Variants in CCND3 observed in about 807,000 individuals in gnomAD.
CCND3 encodes cyclin D3.
A neutral mutation model predicts 28.7 loss-of-function variants in CCND3; 9 were observed. That is an observed-to-expected ratio of 0.31 (90% CI 0.19 to 0.55). CCND3 has a LOEUF of 0.55. Among genes scored for constraint, CCND3 ranks in the 20% least tolerant of loss-of-function variants. CCND3 has a pLI of 0.93. For synonymous variants in CCND3, 164 were observed against 163.9 expected (o/e 1.00, Z 0.00); for missense variants, 315 against 385.8 (o/e 0.82, Z 1.54).
intron 1 of CCND3, among the ~76,000 whole-genome samples, chr6:41,979,996 T>C (rs1008486895): frequency 6.8e-4 from 11 of 16,162 alleles, no homozygotes; most frequent in African/African-American, 1.2e-3. Context: ...AATGAACATA[T>C]GCTGCTTTCA....
chr6:42,030,923 G>A (rs914154584), intron 1 of CCND3, among the ~76,000 whole-genome samples: 3 of 152,180 alleles, frequency 2.0e-5, no homozygotes, highest in Admixed American at 2.0e-4. Context: ...GTGCGTGGAT[G>A]GGGGTGGGGT....
rs765427640 is a variant in CCND3 at position 41,936,967 on chromosome 6, TGG to T, written c.574+266_574+267del. On this transcript the variant is annotated intron_variant, in intron 3 of 4. Transcript: ENST00000372991. The surrounding 1 kb of genome is among the most constrained non-coding windows in gnomAD (Gnocchi z 4.4). ...GGGAACACAACTAGGGCCAAGAGAC[TGG>T]GGTTCTGTTCCCAACCTGTTCACTG... 147 of 593,940 alleles carry T rather than the reference TGG, an allele frequency of 2.5e-4. No individual in the cohort carries two copies. The highest frequency in any genetic ancestry group is 3.6e-4 in the Non-Finnish European group (120 of 335,994). 36.8% of individuals were successfully genotyped at this position (593,940 alleles called of 1,614,324 possible).
chr6:42,031,627 A>G (rs1180952381), intron 1 of CCND3, among the ~76,000 whole-genome samples: 1 of 152,182 alleles, frequency 6.6e-6, no homozygotes, highest in African/African-American at 2.4e-5. Flanking sequence ...TAGAAAAACA[A>G]AACCCTTTTA....
intron 1 of CCND3, among the ~76,000 whole-genome samples, chr6:41,966,707 C>A (rs764630518): frequency 1.3e-5 from 2 of 152,186 alleles, no homozygotes; most frequent in Admixed American, 6.5e-5. Context: ...CAGCTCCCTT[C>A]TAGACTGGAT....
At position 41,941,535 on chromosome 6, in the gene CCND3, C is replaced by T. The variant is rs1006519914; in HGVS notation, c.115G>A (p.Val39Ile). Reference protein sequence around the residue: ...QSLLRLEERYVPRASYFQCVQ... With the variant: ...QSLLRLEERYIPRASYFQCVQ... ...CACTGGAAGTAGGAGGCGCGGGGTA[C>T]GTAGCGCTCCTCCAGGCGGAGCAGG... Residue 39 changes from valine to isoleucine, a missense_variant, in exon 1 of 5, where the codon GTA becomes ATA. Val to Ile is a conservative substitution (Grantham distance 29). Transcript: ENST00000372991. This position sits in a 1 kb window ranked among gnomAD's most constrained non-coding sequence, Gnocchi z 6.1. The T allele has an allele frequency of 3.7e-6, 6 of 1,602,372 alleles. No individual in the cohort carries two copies. The highest frequency in any genetic ancestry group is 3.4e-6 in the Non-Finnish European group (4 of 1,176,630).
upstream of CCND3, chr6:42,049,891 T>C (rs767067393): frequency 1.3e-5 from 2 of 152,230 alleles, no homozygotes; most frequent in African/African-American, 4.8e-5. Context: ...GTCACTGGGA[T>C]TGGGCTGGGC....
At chr6:42,009,595 A>G (rs1243423030) in intron 1 of CCND3, among the ~76,000 whole-genome samples, 3 of 151,312 alleles carry the variant, frequency 2.0e-5, no homozygotes, top group African/African-American at 7.3e-5. Context: ...CTGGGCAACA[A>G]GACCGAAACT....
At chr6:42,000,196 T>C (rs35829548) in intron 1 of CCND3, among the ~76,000 whole-genome samples, 15,794 of 146,126 alleles carry the variant, frequency 0.11, 916 homozygotes, top group Non-Finnish European at 0.12. Flanking sequence ...TCCAAGAAAG[T>C]TAGAAATCAT....
upstream of CCND3, among the ~76,000 whole-genome samples, chr6:41,944,922 G>A (rs759108647): frequency 2.6e-5 from 4 of 152,150 alleles, no homozygotes; most frequent in Non-Finnish European, 4.4e-5. Context: ...CTGGCCACTG[G>A]GGAGGCAGGT....
At chr6:41,964,219 T>C (rs988544355) in intron 1 of CCND3, among the ~76,000 whole-genome samples, 3 of 152,136 alleles carry the variant, frequency 2.0e-5, no homozygotes, top group Admixed American at 6.6e-5. Flanking sequence ...GGGTTAAGGG[T>C]TTCCCAGTCT....
rs545523358 is a variant in CCND3 at position 41,935,922 on chromosome 6, C to T, written c.*18G>A. 1 of 1,599,342 alleles carries T rather than the reference C, an allele frequency of 6.3e-7. No homozygotes were observed. Among genetic ancestry groups the T allele is most frequent in the African/African-American group, 1.3e-5 (1 of 74,888 alleles). ...CCCCTCCTCTGCTTAGTGGCCACTC[C>T]AGAGGGCCTCTCCAGGGCTACAGGT... is the stretch of plus-strand genomic sequence containing the variant. On this transcript the variant is annotated 3_prime_UTR_variant, in exon 5 of 5. Coordinates refer to ENST00000372991, the MANE Select transcript of CCND3 (RefSeq NM_001760.5).
At chr6:42,029,895 TC>T (rs1169805063) in intron 1 of CCND3, 1 of 149,092 alleles carries the variant, frequency 6.7e-6, no homozygotes, top group Non-Finnish European at 1.5e-5. Flanking sequence ...GGGGGTGCCC[TC>T]CCTGCAGACA....
At chr6:41,996,656 G>A (rs1461269456) in intron 1 of CCND3, among the ~76,000 whole-genome samples, 2 of 126,072 alleles carry the variant, frequency 1.6e-5, no homozygotes, top group Non-Finnish European at 3.2e-5. Flanking sequence ...CTTGAAGGTA[G>A]GGAAAAATCT....
intron 1 of CCND3, among the ~76,000 whole-genome samples, chr6:41,985,302 GTCTT>G (rs1762453992): frequency 1.0e-5 from 1 of 99,146 alleles, no homozygotes; most frequent in African/African-American, 3.8e-5. Flanking sequence ...CTCAGTTCAA[GTCTT>G]TTTTTTTTTT....
At chr6:42,026,830 C>T (rs748473563) in intron 1 of CCND3, among the ~76,000 whole-genome samples, 7 of 152,174 alleles carry the variant, frequency 4.6e-5, no homozygotes, top group East Asian at 1.9e-4. Context: ...GGCTGGCTGA[C>T]GGACCCAGCA....
chr6:41,936,148 C>G lies in CCND3; in HGVS notation c.712-41G>C. On this transcript the variant is annotated intron_variant, in intron 4 of 4. Coordinates refer to ENST00000372991, the MANE Select transcript of CCND3 (RefSeq NM_001760.5). This position sits in a 1 kb window ranked among gnomAD's most constrained non-coding sequence, Gnocchi z 4.4. The stretch of plus-strand genomic sequence containing the variant: ...AAGAGTGAGGAGCAAACACTCCCCC[C>G]ATAGCATCTGGCAGCAGGTGCAGGG... 6.5e-7 allele frequency: 1 copy of G among 1,529,494 alleles called. No homozygotes were observed. Among genetic ancestry groups the G allele is most frequent in the South Asian group, 1.3e-5 (1 of 78,828 alleles). The allele number at this position is 1,529,494 out of a possible 1,614,324, so 94.7% of individuals were successfully genotyped here. A position where few individuals can be genotyped will look rare whatever the true frequency, so the allele number is the denominator to read the frequency against.
intron 1 of CCND3, among the ~76,000 whole-genome samples, chr6:42,016,267 G>A (rs1763507069): frequency 6.6e-6 from 1 of 152,156 alleles, no homozygotes; most frequent in Non-Finnish European, 1.5e-5. Context: ...TAGTCACCAT[G>A]TTGTACGATA....
chr6:41,984,600 G>A (rs560449984), intron 1 of CCND3, among the ~76,000 whole-genome samples: 20 of 152,128 alleles, frequency 1.3e-4, no homozygotes, highest in Non-Finnish European at 2.2e-4. Flanking sequence ...CACCTGCCTC[G>A]GCCTCCCAAA....
intron 1 of CCND3, among the ~76,000 whole-genome samples, chr6:42,017,933 G>A (rs889762779): frequency 1.3e-5 from 2 of 151,006 alleles, no homozygotes; most frequent in African/African-American, 4.9e-5. Context: ...GGCGGATCAC[G>A]AGGTCAGGAG....
Sources: allele counts gnomAD v4.1 joint callset (sites outside exome capture counted in the v4.1 genomes callset), GRCh38; gene constraint gnomAD v4.1.1; non-coding constraint Gnocchi (gnomAD v3.1); transcripts MANE v1.5; gene names NCBI Gene and HGNC (gene_info 2026-07-23, HGNC 2026-07-21).